PLD5: variants seen among roughly 807,000 people sequenced by gnomAD.
The protein encoded by PLD5 is inactive phospholipase D5.
A neutral mutation model predicts 61.1 loss-of-function variants in PLD5; 36 were observed. The ratio of observed to expected loss-of-function variants is 0.59; its 90% confidence interval spans 0.45 to 0.78. The LOEUF is 0.78. Ranked by LOEUF, PLD5 falls within the 30% of genes least tolerant of loss-of-function variation. The pLI, the probability that PLD5 is intolerant of heterozygous loss-of-function variation, is 0.00. For missense variants in PLD5, 515 were observed against 644.4 expected, an observed-to-expected ratio of 0.80 and a Z score of 2.17; for synonymous variants, 243 against 242.8, an observed-to-expected ratio of 1.00 and a Z score of -0.01.
chr1:242,293,626 A>G (rs1279668469), intron 2 of PLD5, among the ~76,000 whole-genome samples: 1 of 152,196 alleles, frequency 6.6e-6, no homozygotes, highest in Non-Finnish European at 1.5e-5. Context: ...GAGGATAAGT[A>G]GGGACTACTG....
chr1:242,099,550 A>C (rs1660526216), intron 9 of PLD5, among the ~76,000 whole-genome samples: 2 of 152,200 alleles, frequency 1.3e-5, no homozygotes. Flanking sequence ...CAGTGTCTGC[A>C]GGGGCGGGAG....
At chr1:242,104,021 A>C (rs1250664368) in intron 8 of PLD5, among the ~76,000 whole-genome samples, 4 of 152,232 alleles carry the variant, frequency 2.6e-5, no homozygotes, top group Non-Finnish European at 5.9e-5. Flanking sequence ...TCTTAATGGC[A>C]TGAATGAGTT....
At chr1:242,325,503 G>GAGAGAGTC (rs1658704214) in intron 2 of PLD5, among the ~76,000 whole-genome samples, 6 of 151,914 alleles carry the variant, frequency 3.9e-5, no homozygotes, top group Non-Finnish European at 7.4e-5. Flanking sequence ...AGAAGAGAGA[G>GAGAGAGTC]AGAGAGAGTC....
intron 2 of PLD5, among the ~76,000 whole-genome samples, chr1:242,329,695 C>A (rs140162299): frequency 1.7e-4 from 26 of 152,316 alleles, no homozygotes; most frequent in Non-Finnish European, 3.1e-4. Context: ...TAATCCATAT[C>A]ATCGGGGGAG....
chr1:242,380,546 G>A (rs977948265), intron 1 of PLD5, among the ~76,000 whole-genome samples: 13 of 152,032 alleles, frequency 8.6e-5, no homozygotes, highest in African/African-American at 2.2e-4. Flanking sequence ...GGAAATAAAC[G>A]CACATATCAT....
intron 2 of PLD5, among the ~76,000 whole-genome samples, chr1:242,344,117 C>T (rs1225519706): frequency 6.6e-6 from 1 of 152,136 alleles, no homozygotes; most frequent in African/African-American, 2.4e-5. Context: ...AACAATCGGC[C>T]CCAAATGGCC....
At chr1:242,390,431 A>C (rs905935413) in intron 1 of PLD5, among the ~76,000 whole-genome samples, 1 of 152,182 alleles carries the variant, frequency 6.6e-6, no homozygotes, top group African/African-American at 2.4e-5. Flanking sequence ...ACTCTCACAC[A>C]GTTCTTAGAT....
chr1:242,261,882 TGAA>T (rs1409197648), intron 4 of PLD5, among the ~76,000 whole-genome samples: 1 of 152,222 alleles, frequency 6.6e-6, no homozygotes, highest in Non-Finnish European at 1.5e-5. Flanking sequence ...TGTGAGAGTG[TGAA>T]TTAGTACAAC....
chr1:242,270,925 A>G (rs527416128), intron 3 of PLD5, among the ~76,000 whole-genome samples: 2 of 152,236 alleles, frequency 1.3e-5, no homozygotes, highest in African/African-American at 4.8e-5. Context: ...AAGAGAACCA[A>G]TTACAAGAAG....
intron 2 of PLD5, among the ~76,000 whole-genome samples, chr1:242,308,207 T>C (rs1201459483): frequency 6.6e-6 from 1 of 152,076 alleles, no homozygotes; most frequent in East Asian, 1.9e-4. Context: ...CTAATTTATA[T>C]TTGCTCTCAT....
chr1:242,472,004 A>C (rs1341343059), intron 1 of PLD5, among the ~76,000 whole-genome samples: 2 of 152,196 alleles, frequency 1.3e-5, no homozygotes, highest in Non-Finnish European at 2.9e-5. Flanking sequence ...GGACTCTGGG[A>C]GACCACCCTG....
intron 1 of PLD5, among the ~76,000 whole-genome samples, chr1:242,412,992 A>G (rs1390508442): frequency 6.6e-6 from 1 of 151,954 alleles, no homozygotes; most frequent in Non-Finnish European, 1.5e-5. Context: ...TCTAGTTTTT[A>G]TTTTGGCCAT....
In PLD5 at chr1:242,394,822, A is replaced by G. The variant is rs12727469; in HGVS notation, c.190-46580T>C. Reference sequence around the variant, plus strand: ...TATGTGTATATATGTGAATATATATACATATATGTGAATATATATACATAT... The same window carrying G: ...TATGTGTATATATGTGAATATATATGCATATATGTGAATATATATACATAT... On this transcript the variant is annotated intron_variant, in intron 1 of 9. Coordinates refer to ENST00000536534, the MANE Select transcript of PLD5 (RefSeq NM_001372062.1). Among the ~76,000 whole-genome samples, 185 of 123,362 alleles carry G rather than the reference A, an allele frequency of 1.5e-3. 36 individuals are homozygous for G. The highest frequency in any genetic ancestry group is 2.3e-3 in the Non-Finnish European group (144 of 62,080). 80.9% of individuals were successfully genotyped at this position (123,362 alleles called of 152,430 possible). A position where few individuals can be genotyped will look rare whatever the true frequency, so the allele number is the denominator to read the frequency against.
intron 5 of PLD5, chr1:242,147,424 AT>A (rs1664616757): frequency 6.6e-6 from 1 of 152,222 alleles, no homozygotes; most frequent in Non-Finnish European, 1.5e-5. Context: ...GTTGAGAAAC[AT>A]TTGGGTAGTT....
intron 3 of PLD5, among the ~76,000 whole-genome samples, chr1:242,278,466 G>C (rs1397956315): frequency 2.0e-5 from 3 of 152,128 alleles, no homozygotes; most frequent in African/African-American, 7.2e-5. Flanking sequence ...AAATATGTTG[G>C]AAAGCAAGCA....
intron 5 of PLD5, among the ~76,000 whole-genome samples, chr1:242,150,716 C>A (rs796120923): frequency 1.1e-4 from 17 of 151,648 alleles, no homozygotes; most frequent in African/African-American, 4.1e-4. Flanking sequence ...TTTTGTGGAC[C>A]ATGCATAGTT....
chr1:242,370,152 G>T (rs1330167167), intron 1 of PLD5, among the ~76,000 whole-genome samples: 1 of 152,178 alleles, frequency 6.6e-6, no homozygotes, highest in African/African-American at 2.4e-5. Context: ...GGTCTGCAGT[G>T]ATAGTCTGTG....
At chr1:242,192,359 G>A (rs1189426452) in intron 5 of PLD5, 1 of 152,306 alleles carries the variant, frequency 6.6e-6, no homozygotes, top group East Asian at 1.9e-4. Flanking sequence ...ATGCTGGCGA[G>A]AGTCTCCTTT....
At chr1:242,436,069 T>G (rs1443548788) in intron 1 of PLD5, among the ~76,000 whole-genome samples, 1 of 152,162 alleles carries the variant, frequency 6.6e-6, no homozygotes, top group Non-Finnish European at 1.5e-5. Context: ...TTCTTGTGTC[T>G]TACCCAAATC....
Sources: gnomAD v4.1 joint callset for allele counts (sites outside exome capture counted in the v4.1 genomes callset) on GRCh38, gnomAD v4.1.1 for gene constraint, MANE v1.5 for transcripts, NCBI Gene and HGNC (gene_info 2026-07-23, HGNC 2026-07-21) for gene names.